Variants in SNX29 observed in about 807,000 individuals in gnomAD.
SNX29 encodes sorting nexin 29.
In SNX29, 78 loss-of-function variants were observed where a neutral mutation model predicts 102.1. The ratio of observed to expected loss-of-function variants is 0.76; its 90% confidence interval spans 0.64 to 0.92. The LOEUF (loss-of-function observed/expected upper bound fraction) is 0.92, where lower values mean the gene tolerates loss of function less well. Among genes scored for constraint, SNX29 ranks in the 40% least tolerant of loss-of-function variants. The pLI, the probability that SNX29 is intolerant of heterozygous loss-of-function variation, is 0.00. For synonymous variants in SNX29, 580 were observed against 414.5 expected, an observed-to-expected ratio of 1.40 and a Z score of -4.85; for missense variants, 1,280 against 1,061.7, an observed-to-expected ratio of 1.21 and a Z score of -2.86.
At chr16:12,339,772 A>G (rs2081559369) in intron 15 of SNX29, among the ~76,000 whole-genome samples, 1 of 152,204 alleles carries the variant, frequency 6.6e-6, no homozygotes, top group African/African-American at 2.4e-5. Context: ...TAGCTCTAAC[A>G]AGATTCTTGG....
At chr16:12,396,904 C>T (rs1248345426) in intron 16 of SNX29, among the ~76,000 whole-genome samples, 1 of 152,192 alleles carries the variant, frequency 6.6e-6, no homozygotes, top group East Asian at 1.9e-4. Flanking sequence ...TACAAATTCT[C>T]TTAACTTTCT....
chr16:12,263,168 G>A (rs1029474353), intron 14 of SNX29, among the ~76,000 whole-genome samples: 19 of 145,102 alleles, frequency 1.3e-4, no homozygotes, highest in Non-Finnish European at 3.0e-5. Flanking sequence ...ATCTCACTCT[G>A]TCACCCAAGC....
chr16:12,042,463 G>A (rs879177829), intron 4 of SNX29, among the ~76,000 whole-genome samples: 8 of 152,142 alleles, frequency 5.3e-5, no homozygotes, highest in Non-Finnish European at 7.4e-5. Context: ...TAGTTTTTCC[G>A]TCTGTGCTCT....
At chr16:12,522,277 A>C (rs1170916445) in intron 19 of SNX29, among the ~76,000 whole-genome samples, 2 of 152,228 alleles carry the variant, frequency 1.3e-5, no homozygotes, top group African/African-American at 4.8e-5. Context: ...TTGAAGTTCA[A>C]ATTTCACTGG....
intron 11 of SNX29, among the ~76,000 whole-genome samples, chr16:12,104,752 C>A (rs1005752794): frequency 6.6e-6 from 1 of 152,104 alleles, no homozygotes; most frequent in Non-Finnish European, 1.5e-5. Flanking sequence ...ATACTGGAAA[C>A]CTCTTGTTAT....
At chr16:12,063,821 T>A (rs557817707) in intron 9 of SNX29, among the ~76,000 whole-genome samples, 205 of 151,798 alleles carry the variant, frequency 1.4e-3, no homozygotes, top group Admixed American at 2.2e-3. Context: ...CTCGTAGGCC[T>A]AGCTCATGTT....
chr16:12,123,991 G>T (rs1211995920), intron 11 of SNX29, among the ~76,000 whole-genome samples: 1 of 152,176 alleles, frequency 6.6e-6, no homozygotes, highest in African/African-American at 2.4e-5. Context: ...GAGAAGCAAG[G>T]ATGATATCAT....
At chr16:12,355,493 C>G (rs1401209975) in intron 15 of SNX29, among the ~76,000 whole-genome samples, 1 of 152,142 alleles carries the variant, frequency 6.6e-6, no homozygotes, top group Non-Finnish European at 1.5e-5. Context: ...TAAGGATCTG[C>G]CTGACCTCGC....
chr16:12,005,040 T>G (rs1450082114), intron 3 of SNX29, among the ~76,000 whole-genome samples: 1 of 152,208 alleles, frequency 6.6e-6, no homozygotes, highest in African/African-American at 2.4e-5. Flanking sequence ...TGTACTGTAG[T>G]CAAGCATTTA....
chr16:12,539,835 G>C (rs1171240867), intron 20 of SNX29, among the ~76,000 whole-genome samples: 1 of 152,178 alleles, frequency 6.6e-6, no homozygotes, highest in Non-Finnish European at 1.5e-5. Flanking sequence ...CATCCTCTTT[G>C]GGGAAGTAAG....
intron 18 of SNX29, among the ~76,000 whole-genome samples, chr16:12,452,307 C>T (rs771737422): frequency 7.3e-5 from 2 of 27,254 alleles, no homozygotes; most frequent in African/African-American, 4.8e-4. Flanking sequence ...CTACTGGCAT[C>T]TCATGGGTGC....
chr16:12,407,099 G>T (rs1341626330), intron 18 of SNX29, among the ~76,000 whole-genome samples: 1 of 152,176 alleles, frequency 6.6e-6, no homozygotes, highest in Admixed American at 6.5e-5. Context: ...CAAGATGGTG[G>T]TGTATGTGCC....
intron 20 of SNX29, among the ~76,000 whole-genome samples, chr16:12,531,984 T>C (rs994418289): frequency 7.9e-5 from 12 of 152,058 alleles, no homozygotes; most frequent in Non-Finnish European, 4.4e-5. Context: ...GCAATCACAG[T>C]TTGGAGGAAT....
At chr16:12,026,204 T>G (rs749236372) in intron 3 of SNX29, among the ~76,000 whole-genome samples, 2 of 152,194 alleles carry the variant, frequency 1.3e-5, no homozygotes, top group Non-Finnish European at 2.9e-5. Flanking sequence ...AGCTCGTAAT[T>G]CCAAGGCCAC....
intron 13 of SNX29, among the ~76,000 whole-genome samples, chr16:12,165,811 G>A (rs890757646): frequency 6.6e-6 from 1 of 152,198 alleles, no homozygotes; most frequent in African/African-American, 2.4e-5. Flanking sequence ...TGATCCACCT[G>A]CCTCGGCCTC....
rs1018438586 is a variant in SNX29 at position 12,483,134 on chromosome 16, T to G, written c.2178+5275T>G. Among the ~76,000 whole-genome samples, 66 of 135,064 alleles carry G rather than the reference T, an allele frequency of 4.9e-4. 1 individual carries two copies. Among genetic ancestry groups the G allele is most frequent in the African/African-American group, 1.8e-3 (64 of 35,248 alleles). The allele number at this position is 135,064 out of a possible 152,430, so 88.6% of individuals were successfully genotyped here. ...ATTAAGTTTTTTTTTTTTTTTTTTTTTTTTTTTTTGGAGACAGCACCTGCC... is the reference window on the plus strand; with the variant it reads ...ATTAAGTTTTTTTTTTTTTTTTTTTGTTTTTTTTTGGAGACAGCACCTGCC... On this transcript the variant is annotated intron_variant, in intron 19 of 20. Transcript: ENST00000566228.
At chr16:12,178,226 G>A (rs997125414) in intron 13 of SNX29, among the ~76,000 whole-genome samples, 1 of 152,100 alleles carries the variant, frequency 6.6e-6, no homozygotes, top group Non-Finnish European at 1.5e-5. Flanking sequence ...CAGGGACCGG[G>A]GCATGGGCTG....
At chr16:12,051,675 T>C (rs2050309127) in intron 7 of SNX29, among the ~76,000 whole-genome samples, 172 bp from the exon 8 acceptor site, 3 of 152,228 alleles carry the variant, frequency 2.0e-5, no homozygotes, top group African/African-American at 7.2e-5. Context: ...TCCATTCTGC[T>C]CAATCTTCTG....
intron 14 of SNX29, among the ~76,000 whole-genome samples, chr16:12,235,785 TTGTGTGTG>T (rs71408254): frequency 1.4e-5 from 2 of 147,958 alleles, no homozygotes; most frequent in African/African-American, 2.5e-5. Context: ...GGGTTGTAAA[TTGTGTGTG>T]TGTGTGTGTG....
Sources: allele counts gnomAD v4.1 joint callset (sites outside exome capture counted in the v4.1 genomes callset), GRCh38; gene constraint gnomAD v4.1.1; transcripts MANE v1.5; gene names NCBI Gene and HGNC (gene_info 2026-07-23, HGNC 2026-07-21).